ENPP3: variants seen among roughly 807,000 people sequenced by gnomAD.
The protein encoded by ENPP3 is ectonucleotide pyrophosphatase/phosphodiesterase family member 3.
In ENPP3, 104 loss-of-function variants were observed where a neutral mutation model predicts 117.8. The observed-to-expected ratio is 0.88, with a 90% CI of 0.75 to 1.04. ENPP3 has a LOEUF of 1.04. Among genes scored for constraint, ENPP3 ranks in the 50% least tolerant of loss-of-function variants. ENPP3 has a pLI of 0.00. For synonymous variants in ENPP3, 380 were observed against 349.9 expected (o/e 1.09, Z -0.96); for missense variants, 1,026 against 1,051.9 (o/e 0.98, Z 0.34).
chr6:131,684,217 G>T (rs1354454020), intron 12 of ENPP3, among the ~76,000 whole-genome samples: 3 of 152,200 alleles, frequency 2.0e-5, no homozygotes, highest in African/African-American at 7.2e-5. Context: ...AAGAAAAATA[G>T]TGTGTCTGCA....
At position 131,747,172 on chromosome 6, in the gene ENPP3, A is replaced by G. The variant is rs944955144; in HGVS notation, c.*216A>G. ...TTTCACACAGAGATGATGCTATATTACACCTTCCCTTTTTTGTTGGTTTCT... is the reference window on the plus strand; with the variant it reads ...TTTCACACAGAGATGATGCTATATTGCACCTTCCCTTTTTTGTTGGTTTCT... On this transcript the variant is annotated 3_prime_UTR_variant, in exon 25 of 25. Transcript: ENST00000357639. The G allele has an allele frequency of 1.6e-5, 5 of 312,932 alleles. No homozygotes were observed. Among genetic ancestry groups the G allele is most frequent in the Non-Finnish European group, 2.8e-5 (5 of 175,794 alleles). 19.4% of individuals were successfully genotyped at this position (312,932 alleles called of 1,614,324 possible).
intron 14 of ENPP3, among the ~76,000 whole-genome samples, chr6:131,692,331 G>A (rs144596860): frequency 6.6e-6 from 1 of 151,888 alleles, no homozygotes. Context: ...TTTAAAATAT[G>A]CCATACAGTC....
intron 8 of ENPP3, among the ~76,000 whole-genome samples, chr6:131,674,781 G>A (rs756214950): frequency 7.3e-5 from 11 of 151,464 alleles, no homozygotes; most frequent in East Asian, 3.9e-4. Context: ...CATGTTGGCC[G>A]GGATGATCTC....
At chr6:131,651,965 C>T (rs1778272854) in intron 3 of ENPP3, among the ~76,000 whole-genome samples, 8 of 152,158 alleles carry the variant, frequency 5.3e-5, no homozygotes, top group Admixed American at 5.2e-4. Context: ...AGCCACCTGC[C>T]TCCAGCCTCT....
Position 131,740,307 on chromosome 6 carries a change from A to T in ENPP3, c.2384A>T (p.Glu795Val). The change falls in exon 24 of 25, where the codon GAA (glutamate) becomes GTA (valine). Residue 795 changes from glutamate (E) to valine (V), a missense_variant. Glu to Val is a moderately radical substitution (Grantham distance 121). Transcript: ENST00000357639. Reference sequence around the variant, plus strand: ...TGTAAAAACAAGAGCCACACACCGGAAAACTGCCCTGGGTGGCTGGATGTC... The same window carrying T: ...TGTAAAAACAAGAGCCACACACCGGTAAACTGCCCTGGGTGGCTGGATGTC... ...TSCKNKSHTPENCPGWLDVLP... is the reference protein window; with the variant it reads ...TSCKNKSHTPVNCPGWLDVLP... 6.2e-7 allele frequency: 1 copy of T among 1,613,388 alleles called. No homozygotes were observed. Among genetic ancestry groups the T allele is most frequent in the Non-Finnish European group, 8.5e-7 (1 of 1,179,614 alleles).
intron 15 of ENPP3, chr6:131,710,937 A>G (rs1779772505): frequency 3.2e-6 from 5 of 1,578,330 alleles, no homozygotes; most frequent in Non-Finnish European, 3.4e-6. Context: ...TCATACTCTC[A>G]GGTAGTGCTG....
chr6:131,690,929 T>C (rs1332237340), intron 14 of ENPP3, among the ~76,000 whole-genome samples: 1 of 152,056 alleles, frequency 6.6e-6, no homozygotes, highest in Non-Finnish European at 1.5e-5. Context: ...CATATATGGT[T>C]TTCTTTTTGT....
At chr6:131,739,962 G>C (rs1022567344) in intron 23 of ENPP3, among the ~76,000 whole-genome samples, 2 of 150,938 alleles carry the variant, frequency 1.3e-5, no homozygotes, top group Non-Finnish European at 2.9e-5. Context: ...ATATGTGTGT[G>C]TGTCTTTACA....
intron 20 of ENPP3, among the ~76,000 whole-genome samples, chr6:131,729,511 G>T (rs1045322682): frequency 6.6e-6 from 1 of 152,122 alleles, no homozygotes; most frequent in African/African-American, 2.4e-5. Context: ...GTAAGATTTT[G>T]AGAGCTAAAA....
In ENPP3 at chr6:131,674,146, G is replaced by T; in HGVS notation, c.643-16G>T. The T allele has an allele frequency of 6.9e-7, 1 of 1,458,020 alleles. No individual in the cohort carries two copies. 90.3% of individuals were successfully genotyped at this position (1,458,020 alleles called of 1,614,324 possible). On this transcript the variant is annotated splice_polypyrimidine_tract_variant and intron_variant, in intron 7 of 24. Transcript: ENST00000357639. ...TAATATTTTATCTTACATCTTTTTT[G>T]AAATTATCATTTTAGGGCTTGTATC...
At chr6:131,745,840 C>T (rs940496468) in intron 24 of ENPP3, among the ~76,000 whole-genome samples, 4 of 152,068 alleles carry the variant, frequency 2.6e-5, no homozygotes, top group Non-Finnish European at 5.9e-5. Flanking sequence ...TGTACTCGGC[C>T]GGGTGCGGTG....
intron 15 of ENPP3, among the ~76,000 whole-genome samples, chr6:131,713,919 A>G (rs1779839328): frequency 6.7e-6 from 1 of 149,770 alleles, no homozygotes; most frequent in African/African-American, 2.5e-5. Context: ...GCTGGGACTG[A>G]CTATAGGCAC....
At chr6:131,733,766 C>T (rs1585732724) in intron 21 of ENPP3, 43 bp downstream of exon 21, 16 of 1,599,186 alleles carry the variant, frequency 1.0e-5, no homozygotes, top group Non-Finnish European at 1.4e-5. Context: ...AGAAAGCTCT[C>T]ATCAGCTGGA....
chr6:131,729,118 A>G (rs926232921), intron 20 of ENPP3, among the ~76,000 whole-genome samples: 36 of 152,050 alleles, frequency 2.4e-4, no homozygotes, highest in African/African-American at 8.2e-4. Context: ...CTATCTGTCA[A>G]TCTACACACA....
rs1780051537 is a variant in ENPP3, at chr6:131,722,295, C to T, written c.1636C>T (p.Pro546Ser). ...TAGTTTAAACCATCTTCTGAAGGTG[C>T]CTTTTTATGAGCCATCCCATGCAGA... Reference protein sequence around the residue: ...HGSLNHLLKVPFYEPSHAEEV... With the variant: ...HGSLNHLLKVSFYEPSHAEEV... Residue 546 changes from proline to serine, a missense_variant, in exon 18 of 25, where the codon CCT becomes TCT. Physicochemically the swap from Pro to Ser is moderately conservative, Grantham distance 74 (BLOSUM62 -1). Coordinates refer to ENST00000357639, the MANE Select transcript of ENPP3 (RefSeq NM_005021.5). 33 of 1,613,800 alleles carry T rather than the reference C, an allele frequency of 2.0e-5. No homozygotes were observed. The highest frequency in any genetic ancestry group is 3.3e-5 in the Admixed American group (2 of 59,988).
At chr6:131,725,750 G>A (rs574440065) in intron 19 of ENPP3, among the ~76,000 whole-genome samples, 1 of 152,102 alleles carries the variant, frequency 6.6e-6, no homozygotes, top group East Asian at 1.9e-4. Flanking sequence ...GAATCACAGA[G>A]GGCAGGCTTC....
intron 14 of ENPP3, among the ~76,000 whole-genome samples, chr6:131,689,053 G>A (rs1293687146): frequency 1.3e-5 from 2 of 152,082 alleles, no homozygotes; most frequent in Non-Finnish European, 2.9e-5. Context: ...GCAACAGAGT[G>A]AGACTCTATT....
At chr6:131,655,407 G>T (rs969298766) in intron 5 of ENPP3, among the ~76,000 whole-genome samples, 1 of 152,106 alleles carries the variant, frequency 6.6e-6, no homozygotes, top group Admixed American at 6.5e-5. Context: ...GAAATCACTT[G>T]CCCAGTGCTG....
intron 6 of ENPP3, among the ~76,000 whole-genome samples, chr6:131,663,215 C>T (rs1778540095): frequency 1.3e-5 from 2 of 150,760 alleles, no homozygotes; most frequent in South Asian, 4.2e-4. Flanking sequence ...TGCTTTGTTA[C>T]TGATCTTAGG....
Sources: allele counts gnomAD v4.1 joint callset (sites outside exome capture counted in the v4.1 genomes callset), GRCh38; gene constraint gnomAD v4.1.1; transcripts MANE v1.5; gene names NCBI Gene and HGNC (gene_info 2026-07-23, HGNC 2026-07-21).